Variants in ADAM29 observed in about 807,000 individuals in gnomAD.
ADAM29 encodes the protein ADAM metallopeptidase domain 29.
For missense variants in ADAM29, 969 were observed against 1,001.8 expected, an observed-to-expected ratio of 0.97 and a Z score of 0.44; for synonymous variants, 367 against 342.3, an observed-to-expected ratio of 1.07 and a Z score of -0.80.
At chr4:174,953,991 T>C (rs56077811) in intron 4 of ADAM29, among the ~76,000 whole-genome samples, 63,561 of 151,934 alleles carry the variant, frequency 0.42, 13,830 homozygotes, top group African/African-American at 0.53. Flanking sequence ...GGATTACAGG[T>C]GTGAGCCGCC....
At chr4:174,963,868 G>A (rs1397444841) in intron 4 of ADAM29, among the ~76,000 whole-genome samples, 1 of 152,012 alleles carries the variant, frequency 6.6e-6, no homozygotes, top group Non-Finnish European at 1.5e-5. Flanking sequence ...TTTTAGTAGA[G>A]ACGGGGTTTC....
intron 4 of ADAM29, among the ~76,000 whole-genome samples, chr4:174,973,133 G>A (rs1263961866): frequency 6.6e-6 from 1 of 152,184 alleles, no homozygotes; most frequent in East Asian, 1.9e-4. Flanking sequence ...GGTTATGGGG[G>A]GGCAGGGTCT....
chr4:174,934,322 A>C (rs1192357838), intron 3 of ADAM29, among the ~76,000 whole-genome samples: 1 of 152,108 alleles, frequency 6.6e-6, no homozygotes, highest in Admixed American at 6.6e-5. Context: ...TACCAGCATT[A>C]TTATGATATA....
At chr4:174,937,259 T>C (rs758264183) in intron 4 of ADAM29, among the ~76,000 whole-genome samples, 1 of 152,030 alleles carries the variant, frequency 6.6e-6, no homozygotes, top group Non-Finnish European at 1.5e-5. Context: ...TGTGTCAAGC[T>C]GTTAGCCGTC....
chr4:174,950,815 C>G (rs535790013), intron 4 of ADAM29, among the ~76,000 whole-genome samples: 3 of 152,086 alleles, frequency 2.0e-5, no homozygotes, highest in Non-Finnish European at 4.4e-5. Flanking sequence ...CAGACGTCCC[C>G]CTTCTGTTCA....
rs1441696042 is a variant in ADAM29 at position 174,977,990 on chromosome 4, G to T, written c.*2G>T. The T allele has an allele frequency of 6.3e-7, 1 of 1,592,902 alleles. No homozygotes were observed. The highest frequency in any genetic ancestry group is 1.3e-5 in the African/African-American group (1 of 74,116). On this transcript the variant is annotated 3_prime_UTR_variant, in exon 5 of 5. Transcript: ENST00000359240. ...CAACCTCCTGTGACGCCCTCCTAGA[G>T]CCAACCTCAGTTGATGCCTTCCCAG...
intron 2 of ADAM29, among the ~76,000 whole-genome samples, chr4:174,922,358 T>G (rs546174978): frequency 6.6e-6 from 1 of 152,182 alleles, no homozygotes; most frequent in Admixed American, 6.5e-5. Context: ...ACTGAAGTCA[T>G]AGAGCAAATC....
intron 4 of ADAM29, among the ~76,000 whole-genome samples, chr4:174,958,448 G>T (rs1471249770): frequency 4.0e-5 from 6 of 151,594 alleles, no homozygotes; most frequent in Admixed American, 3.9e-4. Flanking sequence ...ATGTCTTCTT[G>T]TCTGAAATAT....
chr4:174,963,987 A>G (rs764266327), intron 4 of ADAM29, among the ~76,000 whole-genome samples: 119 of 151,750 alleles, frequency 7.8e-4, no homozygotes, highest in Non-Finnish European at 1.6e-3. Context: ...GTTAATTTAA[A>G]CATAGTTTGA....
chr4:174,960,455 A>ATTTG (rs1216939335), intron 4 of ADAM29, among the ~76,000 whole-genome samples: 1 of 152,026 alleles, frequency 6.6e-6, no homozygotes, highest in Non-Finnish European at 1.5e-5. Flanking sequence ...AAGTATTTAG[A>ATTTG]TTTGTTTGAT....
chr4:174,958,095 A>C (rs771712159), intron 4 of ADAM29, among the ~76,000 whole-genome samples: 19 of 151,942 alleles, frequency 1.3e-4, no homozygotes, highest in Non-Finnish European at 2.5e-4. Flanking sequence ...CTACCTTAGT[A>C]AATATTCTAT....
At chr4:174,968,728 T>C (rs929900803) in intron 4 of ADAM29, among the ~76,000 whole-genome samples, 5 of 151,920 alleles carry the variant, frequency 3.3e-5, no homozygotes, top group African/African-American at 1.2e-4. Context: ...CTAGGTACTT[T>C]GAACATTCAT....
intron 4 of ADAM29, among the ~76,000 whole-genome samples, chr4:174,964,621 A>G (rs1746047615): frequency 1.3e-5 from 2 of 152,098 alleles, no homozygotes; most frequent in South Asian, 2.1e-4. Flanking sequence ...TGTAACTAAT[A>G]TTTTTTGGAC....
At chr4:174,959,277 T>G (rs1374887698) in intron 4 of ADAM29, among the ~76,000 whole-genome samples, 1 of 151,914 alleles carries the variant, frequency 6.6e-6, no homozygotes, top group African/African-American at 2.4e-5. Flanking sequence ...CTCAATACAT[T>G]AGAGATTTGA....
At chr4:174,955,152 A>G (rs1745427415) in intron 4 of ADAM29, among the ~76,000 whole-genome samples, 1 of 152,102 alleles carries the variant, frequency 6.6e-6, no homozygotes, top group African/African-American at 2.4e-5. Context: ...TTATCTGGCA[A>G]GCAACTGCTG....
chr4:174,950,863 T>C (rs1745127689), intron 4 of ADAM29, among the ~76,000 whole-genome samples: 1 of 152,070 alleles, frequency 6.6e-6, no homozygotes. Flanking sequence ...TGTTGGAAAG[T>C]GTGTGGCACT....
chr4:174,971,164 G>A (rs1405003937), intron 4 of ADAM29, among the ~76,000 whole-genome samples: 2 of 151,974 alleles, frequency 1.3e-5, no homozygotes, highest in African/African-American at 4.8e-5. Context: ...CTATGTATAT[G>A]TATATGAAAA....
chr4:174,966,668 C>T (rs889088198), intron 4 of ADAM29, among the ~76,000 whole-genome samples: 1 of 152,174 alleles, frequency 6.6e-6, no homozygotes, highest in Non-Finnish European at 1.5e-5. Context: ...ACTTCTGCCT[C>T]CATGGCTCTG....
intron 4 of ADAM29, among the ~76,000 whole-genome samples, chr4:174,938,158 CA>C (rs1250930237): frequency 6.6e-6 from 1 of 151,788 alleles, no homozygotes; most frequent in East Asian, 1.9e-4. Context: ...GATATGGCCA[CA>C]AGGAAAATTC....
Sources: gnomAD v4.1 joint callset for allele counts (sites outside exome capture counted in the v4.1 genomes callset) on GRCh38, gnomAD v4.1.1 for gene constraint, MANE v1.5 for transcripts, NCBI Gene and HGNC (gene_info 2026-07-23, HGNC 2026-07-21) for gene names.